AP3M1: variants seen among roughly 807,000 people sequenced by gnomAD.
The protein encoded by AP3M1 is AP-3 complex subunit mu-1.
In AP3M1, 29 loss-of-function variants were observed where a neutral mutation model predicts 42.6. The observed-to-expected ratio is 0.68, with a 90% CI of 0.51 to 0.93. The LOEUF (loss-of-function observed/expected upper bound fraction) is 0.93. Among genes scored for constraint, AP3M1 ranks in the 40% least tolerant of loss-of-function variants. AP3M1 has a pLI of 0.00. For synonymous variants in AP3M1, 178 were observed against 175.3 expected, an observed-to-expected ratio of 1.02 and a Z score of -0.12; for missense variants, 416 against 510.2, an observed-to-expected ratio of 0.82 and a Z score of 1.78.
chr10:74,144,608 T>G (rs1841272465), intron 1 of AP3M1, among the ~76,000 whole-genome samples: 1 of 151,982 alleles, frequency 6.6e-6, no homozygotes, highest in Non-Finnish European at 1.5e-5. Flanking sequence ...TAAATAACCA[T>G]ATATGGTTAG....
chr10:74,124,352 C>G, intron 8 of AP3M1, 28 bp downstream of exon 8: 2 of 1,579,806 alleles, frequency 1.3e-6, no homozygotes, highest in Non-Finnish European at 1.7e-6. Flanking sequence ...CTCAATTACC[C>G]TTAACTACAA....
chr10:74,122,038 A>C lies in AP3M1; in HGVS notation c.*1772T>G, dbSNP rs1192302221. The C allele has an allele frequency of 1.3e-5, 2 of 152,214 alleles. No homozygotes were observed. The highest frequency in any genetic ancestry group is 2.9e-5 in the Non-Finnish European group (2 of 68,036). The allele number at this position is 152,214 out of a possible 1,614,324, so 9.4% of individuals were successfully genotyped here. A position where few individuals can be genotyped will look rare whatever the true frequency, so the allele number is the denominator to read the frequency against. ...AGCAAATGTTCTCATTGTTCTTTTGAGGTACGAACTCTGAAGAGTCAAGAC... is the reference window on the plus strand; with the variant it reads ...AGCAAATGTTCTCATTGTTCTTTTGCGGTACGAACTCTGAAGAGTCAAGAC... On this transcript the variant is annotated 3_prime_UTR_variant, in exon 9 of 9. Transcript: ENST00000355264.
At position 74,136,758 on chromosome 10, in the gene AP3M1, C is replaced by G. The variant is rs1279174158; in HGVS notation, c.319G>C (p.Val107Leu). The change falls in exon 3 of 9, where the codon GTC (valine) becomes CTC (leucine). Residue 107 changes from valine to leucine, a missense_variant. Physicochemically the swap from Val to Leu is conservative, Grantham distance 32 (BLOSUM62 1). Transcript: ENST00000355264. ...CSEAAIKDNV[V>L]IVYELLEEML... ...TCTTCTAAGAGTTCATATACTATGA[C>G]CACATTATCCTTAATTGCAGCCTCT... 3 of 1,559,204 alleles carry G rather than the reference C, an allele frequency of 1.9e-6. No homozygotes were observed. The highest frequency in any genetic ancestry group is 2.6e-6 in the Non-Finnish European group (3 of 1,140,234).
rs1378901788 is a variant in AP3M1, at chr10:74,121,132, A to C, written c.*2678T>G. ...ATAAAGACAGATTCCAGCCTGCTTGAGTTAAGGGAAAGGCCAAGGCTGCTA... is the reference window on the plus strand; with the variant it reads ...ATAAAGACAGATTCCAGCCTGCTTGCGTTAAGGGAAAGGCCAAGGCTGCTA... On this transcript the variant is annotated 3_prime_UTR_variant, in exon 9 of 9. Transcript: ENST00000355264. 4 of 152,208 alleles carry C rather than the reference A, an allele frequency of 2.6e-5. No individual in the cohort carries two copies. The highest frequency in any genetic ancestry group is 5.9e-5 in the Non-Finnish European group (4 of 68,026). 9.4% of individuals were successfully genotyped at this position (152,208 alleles called of 1,614,324 possible). A position where few individuals can be genotyped will look rare whatever the true frequency, so the allele number is the denominator to read the frequency against.
chr10:74,138,357 A>G lies in AP3M1; in HGVS notation c.23T>C (p.Ile8Thr), dbSNP rs1329137944. The change falls in exon 2 of 9, where the codon ATA (isoleucine) becomes ACA (threonine). Residue 8 changes from isoleucine to threonine, a missense_variant. Transcript: ENST00000355264. MIHSLFL[I>T]NCSGDIFLEK... ...TAGAAATATGTCACCGGAACAGTTT[A>G]TGAGAAATAGACTGTGGATCATTTT... The G allele has an allele frequency of 6.2e-7, 1 of 1,614,114 alleles. No homozygotes were observed.
intron 2 of AP3M1, among the ~76,000 whole-genome samples, chr10:74,137,221 C>T (rs950047896): frequency 6.6e-6 from 1 of 151,880 alleles, no homozygotes; most frequent in African/African-American, 2.4e-5. Flanking sequence ...GCCTAGGGAA[C>T]AGAGTGAGAC....
intron 1 of AP3M1, among the ~76,000 whole-genome samples, chr10:74,149,523 T>C (rs1841469278): frequency 6.6e-6 from 1 of 151,668 alleles, no homozygotes. Flanking sequence ...CTCCTGACTT[T>C]GTGATCCGCC....
intron 1 of AP3M1, among the ~76,000 whole-genome samples, chr10:74,139,350 A>G (rs1841053257): frequency 6.6e-6 from 1 of 151,964 alleles, no homozygotes; most frequent in Non-Finnish European, 1.5e-5. Flanking sequence ...ATTGTAACTC[A>G]TGCCTATAAA....
At chr10:74,124,959 T>C (rs1450090930) in intron 7 of AP3M1, among the ~76,000 whole-genome samples, 2 of 152,116 alleles carry the variant, frequency 1.3e-5, no homozygotes. Flanking sequence ...ATAACCATCT[T>C]CACTTTTCTC....
intron 1 of AP3M1, among the ~76,000 whole-genome samples, chr10:74,141,879 G>GT (rs58905652): frequency 6.1e-4 from 86 of 140,578 alleles, no homozygotes; most frequent in South Asian, 4.1e-3. Context: ...CACCTGGCTA[G>GT]TTTTTTTTTT....
chr10:74,131,186 C>CG (rs1840770366), intron 4 of AP3M1, among the ~76,000 whole-genome samples: 1 of 151,302 alleles, frequency 6.6e-6, no homozygotes, highest in Non-Finnish European at 1.5e-5. Flanking sequence ...TTTTTTGAGA[C>CG]GGAGTCTTGC....
chr10:74,127,956 C>T (rs989814391), intron 6 of AP3M1, among the ~76,000 whole-genome samples: 7 of 149,082 alleles, frequency 4.7e-5, no homozygotes, highest in African/African-American at 9.9e-5. Flanking sequence ...CAAAATTAGC[C>T]GGGTGTGGTG....
chr10:74,142,765 G>C (rs779039523), intron 1 of AP3M1, among the ~76,000 whole-genome samples: 1 of 152,164 alleles, frequency 6.6e-6, no homozygotes, highest in Non-Finnish European at 1.5e-5. Context: ...AGTGCCATTA[G>C]AATACTTAGA....
rs895581731 is a variant in AP3M1 at position 74,129,321 on chromosome 10, T to A, written c.670-80A>T. 6 of 1,454,342 alleles carry A rather than the reference T, an allele frequency of 4.1e-6. No homozygotes were observed. In the African/African-American group the frequency reaches 8.5e-5, roughly 21 times the overall value. 90.1% of individuals were successfully genotyped at this position (1,454,342 alleles called of 1,614,324 possible). A position where few individuals can be genotyped will look rare whatever the true frequency, so the allele number is the denominator to read the frequency against. On this transcript the variant is annotated intron_variant, in intron 5 of 8. Coordinates refer to ENST00000355264, the MANE Select transcript of AP3M1 (RefSeq NM_012095.6). ...TACTCAGATACCTTGACAAATATGT[T>A]CCCTGAAGATAAAGCAGTCATGGAA... is the stretch of plus-strand genomic sequence containing the variant.
intron 6 of AP3M1, among the ~76,000 whole-genome samples, chr10:74,127,362 G>T (rs529650661): frequency 6.6e-6 from 1 of 152,192 alleles, no homozygotes; most frequent in East Asian, 1.9e-4. Flanking sequence ...CAATTGGGGT[G>T]GCTGGGTGCA....
At chr10:74,147,494 T>C (rs1841366982) in intron 1 of AP3M1, among the ~76,000 whole-genome samples, 1 of 152,198 alleles carries the variant, frequency 6.6e-6, no homozygotes, top group African/African-American at 2.4e-5. Context: ...GGGTACCAGA[T>C]GTTATGATTT....
intron 1 of AP3M1, among the ~76,000 whole-genome samples, chr10:74,142,472 G>A (rs1176176702): frequency 6.6e-6 from 1 of 152,152 alleles, no homozygotes; most frequent in African/African-American, 2.4e-5. Context: ...TTCGACACAT[G>A]TTCAGTAGTT....
intron 1 of AP3M1, among the ~76,000 whole-genome samples, chr10:74,144,036 A>T (rs1272126090): frequency 6.6e-6 from 1 of 152,048 alleles, no homozygotes; most frequent in Non-Finnish European, 1.5e-5. Flanking sequence ...ATCTCTGCTC[A>T]CTGCAAGCTC....
intron 1 of AP3M1, chr10:74,150,225 A>G (rs1160997403): frequency 6.6e-6 from 1 of 152,242 alleles, no homozygotes; most frequent in Non-Finnish European, 1.5e-5. Context: ...TCTTAATCAC[A>G]CATAAGGCTG....
Sources: gnomAD v4.1 joint callset for allele counts (sites outside exome capture counted in the v4.1 genomes callset) on GRCh38, gnomAD v4.1.1 for gene constraint, MANE v1.5 for transcripts, NCBI Gene and HGNC (gene_info 2026-07-23, HGNC 2026-07-21) for gene names.